Variants in ANAPC10 observed in about 807,000 individuals in gnomAD.
ANAPC10 encodes anaphase-promoting complex subunit 10.
A neutral mutation model predicts 22.0 loss-of-function variants in ANAPC10; 12 were observed. The ratio of observed to expected loss-of-function variants is 0.55; its 90% CI spans 0.35 to 0.88. The LOEUF (loss-of-function observed/expected upper bound fraction) is 0.88, where lower values mean the gene tolerates loss of function less well. Ranked by LOEUF, ANAPC10 falls within the 40% of genes least tolerant of loss-of-function variation. The pLI is 0.01. For synonymous variants in ANAPC10, 65 were observed against 69.5 expected (o/e 0.94, Z 0.32); for missense variants, 188 against 220.9 (o/e 0.85, Z 0.94).
At position 145,082,995 on chromosome 4, in the gene ANAPC10, TA is replaced by T. The variant is rs374508075; in HGVS notation, c.116-1246del. On this transcript the variant is annotated intron_variant, in intron 2 of 4. Coordinates refer to ENST00000507656, the MANE Select transcript of ANAPC10 (RefSeq NM_001256706.2). ...TGCCCTTTCACAGATACTATATGCA[TA>T]TACAAGCAGTCATATATGTATTCTT... is the stretch of plus-strand genomic sequence containing the variant. 1.7e-3 allele frequency among the ~76,000 whole-genome samples: 262 copies of T among 152,270 alleles called. 1 individual carries two copies. Among genetic ancestry groups the T allele is most frequent in the African/African-American group, 6.0e-3 (248 of 41,554 alleles).
intron 4 of ANAPC10, among the ~76,000 whole-genome samples, chr4:145,025,342 C>T (rs1041846403): frequency 1.3e-5 from 2 of 148,388 alleles, no homozygotes; most frequent in African/African-American, 4.9e-5. Flanking sequence ...GCCCCCCCCC[C>T]CTTTTAAGCT....
intron 3 of ANAPC10, among the ~76,000 whole-genome samples, chr4:145,080,907 C>CAA (rs58188670): frequency 4.9e-4 from 19 of 38,670 alleles, no homozygotes; most frequent in African/African-American, 6.8e-4. Flanking sequence ...AACTCCATCT[C>CAA]AAAAAAAAAA....
intron 4 of ANAPC10, among the ~76,000 whole-genome samples, chr4:145,041,497 G>A (rs570365095): frequency 7.2e-5 from 11 of 152,240 alleles, no homozygotes; most frequent in Non-Finnish European, 1.6e-4. Flanking sequence ...CTGTATGCCA[G>A]GTTGCCCTGT....
chr4:145,010,614 A>C (rs1021710914), intron 4 of ANAPC10, among the ~76,000 whole-genome samples: 1 of 152,076 alleles, frequency 6.6e-6, no homozygotes, highest in African/African-American at 2.4e-5. Flanking sequence ...ATAGATGGGA[A>C]TTGAACAATG....
intron 4 of ANAPC10, among the ~76,000 whole-genome samples, chr4:145,053,162 A>G (rs1047965185): frequency 1.3e-5 from 2 of 152,254 alleles, no homozygotes; most frequent in Admixed American, 6.5e-5. Flanking sequence ...TAGGAGATAT[A>G]TAAGAACCAG....
intron 3 of ANAPC10, among the ~76,000 whole-genome samples, chr4:145,079,351 T>G (rs1196297221): frequency 1.3e-5 from 2 of 152,094 alleles, no homozygotes; most frequent in East Asian, 3.8e-4. Flanking sequence ...GTTGGAATGT[T>G]TATTACTAAA....
intron 4 of ANAPC10, among the ~76,000 whole-genome samples, chr4:145,002,019 A>T (rs1408554678): frequency 6.6e-6 from 1 of 152,196 alleles, no homozygotes; most frequent in Non-Finnish European, 1.5e-5. Context: ...AGAAGGAAGG[A>T]AAAACTACTT....
In ANAPC10 at chr4:144,995,218, AC is replaced by A. The variant is rs1731439936; in HGVS notation, c.*154del. 2 of 457,114 alleles carry A rather than the reference AC, an allele frequency of 4.4e-6. No homozygotes were observed. The highest frequency in any genetic ancestry group is 3.9e-5 in the Admixed American group (1 of 25,598). The allele number at this position is 457,114 out of a possible 1,614,324, so 28.3% of individuals were successfully genotyped here. Reference sequence around the variant, plus strand: ...TGTTAAAGAAAATAAAGATAATATGACCCCAAATTTATTTGTCAAAGTTACA... The same window carrying A: ...TGTTAAAGAAAATAAAGATAATATGACCCAAATTTATTTGTCAAAGTTACA... On this transcript the variant is annotated 3_prime_UTR_variant, in exon 5 of 5. Transcript: ENST00000507656.
chr4:145,026,669 T>C (rs923955394), intron 4 of ANAPC10, among the ~76,000 whole-genome samples: 5 of 150,372 alleles, frequency 3.3e-5, no homozygotes, highest in Admixed American at 6.7e-5. Context: ...TCCTGGTATG[T>C]AAGAAACAAG....
At chr4:145,007,114 A>G (rs1733493149) in intron 4 of ANAPC10, among the ~76,000 whole-genome samples, 1 of 152,134 alleles carries the variant, frequency 6.6e-6, no homozygotes, top group South Asian at 2.1e-4. Context: ...TATGCACCCA[A>G]TACGGGAGCA....
chr4:145,080,603 T>G (rs938266301), intron 3 of ANAPC10, among the ~76,000 whole-genome samples: 2 of 152,002 alleles, frequency 1.3e-5, no homozygotes, highest in African/African-American at 4.8e-5. Flanking sequence ...TACAATGCTA[T>G]AGAATGTTAA....
chr4:145,083,056 C>T (rs899309064), intron 2 of ANAPC10, among the ~76,000 whole-genome samples: 2 of 152,058 alleles, frequency 1.3e-5, no homozygotes, highest in Non-Finnish European at 2.9e-5. Context: ...TGATAGCATA[C>T]AGTAAATAGC....
chr4:145,076,190 C>T (rs1197496902), intron 3 of ANAPC10, among the ~76,000 whole-genome samples: 2 of 152,224 alleles, frequency 1.3e-5, no homozygotes, highest in African/African-American at 2.4e-5. Context: ...CTGCACCCCT[C>T]ATTGGAGTGT....
intron 4 of ANAPC10, among the ~76,000 whole-genome samples, chr4:145,028,763 T>G (rs1251576450): frequency 1.3e-5 from 2 of 152,180 alleles, no homozygotes; most frequent in African/African-American, 4.8e-5. Context: ...AGGAGTTTAA[T>G]GACACTACAC....
intron 3 of ANAPC10, among the ~76,000 whole-genome samples, chr4:145,079,471 G>A (rs547632641): frequency 6.6e-6 from 1 of 152,342 alleles, no homozygotes; most frequent in East Asian, 1.9e-4. Flanking sequence ...GCAGTTTGGA[G>A]ATTTCTCAAA....
intron 4 of ANAPC10, among the ~76,000 whole-genome samples, chr4:145,010,671 C>T (rs1168105704): frequency 2.0e-5 from 3 of 151,364 alleles, no homozygotes; most frequent in South Asian, 2.1e-4. Flanking sequence ...TGGGGCCTGT[C>T]GTGGGGTGGG....
chr4:145,076,239 A>T (rs1745177620), intron 3 of ANAPC10, among the ~76,000 whole-genome samples: 1 of 152,202 alleles, frequency 6.6e-6, no homozygotes. Context: ...CCCCTCCAGT[A>T]CAGCAGTTGC....
chr4:145,056,487 A>G (rs1319152835), intron 4 of ANAPC10, among the ~76,000 whole-genome samples: 1 of 152,152 alleles, frequency 6.6e-6, no homozygotes, highest in Non-Finnish European at 1.5e-5. Flanking sequence ...CTTCCTTAAA[A>G]AACTCGCTTT....
At chr4:145,001,511 A>G (rs1050227291) in intron 4 of ANAPC10, among the ~76,000 whole-genome samples, 1 of 152,152 alleles carries the variant, frequency 6.6e-6, no homozygotes, top group Non-Finnish European at 1.5e-5. Flanking sequence ...AGTTTTACAA[A>G]ATGAAGAGTT....
Sources: gnomAD v4.1 joint callset for allele counts (sites outside exome capture counted in the v4.1 genomes callset) on GRCh38, gnomAD v4.1.1 for gene constraint, MANE v1.5 for transcripts, NCBI Gene and HGNC (gene_info 2026-07-23, HGNC 2026-07-21) for gene names.